Variants in TRAT1 observed in about 807,000 individuals in gnomAD.
TRAT1 encodes T cell receptor associated transmembrane adaptor 1, also known as T-cell receptor-associated transmembrane adapter 1.
In TRAT1, 20 loss-of-function variants were observed where a neutral mutation model predicts 20.0. The ratio of observed to expected loss-of-function variants is 1.00; its 90% CI spans 0.70 to 1.45. TRAT1 has a LOEUF of 1.45. Ranked by LOEUF, TRAT1 falls within the 40% of genes most tolerant of loss-of-function variation. The pLI, the probability that TRAT1 is intolerant of heterozygous loss-of-function variation, is 0.00. For missense variants in TRAT1, 237 were observed against 224.1 expected, an observed-to-expected ratio of 1.06 and a Z score of -0.37; for synonymous variants, 77 against 74.2, an observed-to-expected ratio of 1.04 and a Z score of -0.20.
At chr3:108,828,680 G>C (rs1945764933) in intron 1 of TRAT1, among the ~76,000 whole-genome samples, 2 of 152,128 alleles carry the variant, frequency 1.3e-5, no homozygotes. Flanking sequence ...CTTAAAACAT[G>C]TTTTATTTTG....
intron 3 of TRAT1, chr3:108,839,185 T>C: frequency 1.9e-6 from 1 of 531,018 alleles, no homozygotes; most frequent in Non-Finnish European, 3.3e-6. Flanking sequence ...GAAAGCTGGT[T>C]GAAGGATAAA....
chr3:108,837,243 T>C (rs1408193453), intron 2 of TRAT1, among the ~76,000 whole-genome samples: 2 of 152,212 alleles, frequency 1.3e-5, no homozygotes, highest in Non-Finnish European at 2.9e-5. Flanking sequence ...TGGTAGAACA[T>C]TTCCTCTGGA....
intron 1 of TRAT1, among the ~76,000 whole-genome samples, chr3:108,827,996 A>AT (rs1397225198): frequency 6.6e-6 from 1 of 152,166 alleles, no homozygotes; most frequent in African/African-American, 2.4e-5. Flanking sequence ...TAACACAACT[A>AT]TTTCAATTCT....
chr3:108,842,757 AC>A (rs890336518), intron 3 of TRAT1, among the ~76,000 whole-genome samples: 1 of 152,120 alleles, frequency 6.6e-6, no homozygotes, highest in African/African-American at 2.4e-5. Flanking sequence ...TTTCCGCCAA[AC>A]TTTGGCGAAA....
intron 1 of TRAT1, among the ~76,000 whole-genome samples, chr3:108,825,769 T>C (rs1389094139): frequency 1.3e-5 from 2 of 152,132 alleles, no homozygotes; most frequent in Non-Finnish European, 2.9e-5. Context: ...ATTCCTGAAT[T>C]AAAGGGAAGA....
chr3:108,851,540 C>A (rs558159039), intron 5 of TRAT1, among the ~76,000 whole-genome samples: 74 of 151,834 alleles, frequency 4.9e-4, no homozygotes, highest in Admixed American at 1.8e-3. Flanking sequence ...GGATCTTGTA[C>A]TTTCAATTGT....
chr3:108,839,256 T>C (rs1945869720), intron 3 of TRAT1: 1 of 394,140 alleles, frequency 2.5e-6, no homozygotes, highest in East Asian at 5.7e-5. Context: ...ATAGCCTAGA[T>C]TATGATCCAG....
intron 2 of TRAT1, among the ~76,000 whole-genome samples, chr3:108,835,921 ATTTATTTATT>A (rs1459322830): frequency 7.1e-5 from 2 of 28,338 alleles, no homozygotes; most frequent in African/African-American, 1.5e-4. Flanking sequence ...TTATTTATTT[ATTTATTTATT>A]TATTTTTTGA....
Position 108,853,605 on chromosome 3 carries a change from A to G in TRAT1, c.304-15A>G, listed in dbSNP as rs371317847. ...AACAGACTAACAATGAAAAATTAAC[A>G]TCCCTTTCTTTTAGGCAACCAATGA... On this transcript the variant is annotated splice_polypyrimidine_tract_variant and intron_variant, in intron 5 of 5. Coordinates refer to ENST00000295756, the MANE Select transcript of TRAT1 (RefSeq NM_016388.4). 6.2e-7 allele frequency: 1 copy of G among 1,607,824 alleles called. No individual in the cohort carries two copies. The highest frequency in any genetic ancestry group is 8.5e-7 in the Non-Finnish European group (1 of 1,176,436).
At chr3:108,823,615 G>A (rs993073915) in intron 1 of TRAT1, among the ~76,000 whole-genome samples, 1 of 151,980 alleles carries the variant, frequency 6.6e-6, no homozygotes, top group African/African-American at 2.4e-5. Context: ...AAATTCATAC[G>A]TATTTTCCAT....
rs546516162 is a variant in TRAT1 at position 108,839,254 on chromosome 3, G to T, written c.152+287G>T. ...ATTAATTTCAGAGGTAGATAGCCTA[G>T]ATTATGATCCAGCTTAGATACAGAA... is the stretch of plus-strand genomic sequence containing the variant. On this transcript the variant is annotated intron_variant, in intron 3 of 5. Transcript: ENST00000295756. The T allele has an allele frequency of 1.1e-4, 44 of 396,406 alleles. 1 individual carries two copies. In the South Asian group the frequency reaches 1.5e-3, roughly 14 times the overall value. The allele number at this position is 396,406 out of a possible 1,614,324, so 24.6% of individuals were successfully genotyped here. A position where few individuals can be genotyped will look rare whatever the true frequency, so the allele number is the denominator to read the frequency against.
intron 5 of TRAT1, among the ~76,000 whole-genome samples, chr3:108,851,752 G>A (rs1223825123): frequency 6.6e-6 from 1 of 151,874 alleles, no homozygotes; most frequent in Non-Finnish European, 1.5e-5. Flanking sequence ...CTGGCTATGT[G>A]TTTTCCACCC....
chr3:108,852,575 A>G (rs548108920), intron 5 of TRAT1, among the ~76,000 whole-genome samples: 61 of 152,366 alleles, frequency 4.0e-4, no homozygotes, highest in African/African-American at 1.4e-3. Context: ...CTGTTCCTGC[A>G]AATCAATACA....
At chr3:108,840,710 G>A (rs150010837) in intron 3 of TRAT1, among the ~76,000 whole-genome samples, 20 of 152,190 alleles carry the variant, frequency 1.3e-4, no homozygotes, top group Non-Finnish European at 1.8e-4. Flanking sequence ...GAGTCTGAGC[G>A]CTTCAGCCCA....
intron 3 of TRAT1, among the ~76,000 whole-genome samples, chr3:108,839,601 G>T (rs1003538864): frequency 6.0e-5 from 9 of 150,602 alleles, no homozygotes; most frequent in Non-Finnish European, 1.5e-5. Context: ...AGCCAAGATG[G>T]CACCACTGCA....
At position 108,849,150 on chromosome 3, in the gene TRAT1, C is replaced by G; in HGVS notation, c.215-16C>G. ...TAAATTTTCTATTGTGAATCACAATCTTTTTAATTCCCAAGAACCAATGGA... is the reference window on the plus strand; with the variant it reads ...TAAATTTTCTATTGTGAATCACAATGTTTTTAATTCCCAAGAACCAATGGA... On this transcript the variant is annotated splice_polypyrimidine_tract_variant and intron_variant, in intron 4 of 5. Transcript: ENST00000295756. 1 of 1,600,732 alleles carries G rather than the reference C, an allele frequency of 6.2e-7. No individual in the cohort carries two copies. Among genetic ancestry groups the G allele is most frequent in the Non-Finnish European group, 8.5e-7 (1 of 1,170,806 alleles).
At chr3:108,832,321 A>G (rs1044292535) in intron 2 of TRAT1, among the ~76,000 whole-genome samples, 1 of 152,202 alleles carries the variant, frequency 6.6e-6, no homozygotes, top group South Asian at 2.1e-4. Flanking sequence ...TATTATATCA[A>G]TTCTATGGCT....
At chr3:108,849,032 C>T (rs1945972150) in intron 4 of TRAT1, 134 bp from the exon 5 acceptor site, 2 of 738,700 alleles carry the variant, frequency 2.7e-6, no homozygotes, top group Non-Finnish European at 4.5e-6. Context: ...CTTTCTATCT[C>T]CACCAAAAAG....
intron 2 of TRAT1, among the ~76,000 whole-genome samples, chr3:108,835,891 GTTTGTATTTATT>G (rs1174944273): frequency 2.7e-5 from 4 of 146,622 alleles, no homozygotes; most frequent in African/African-American, 1.0e-4. Flanking sequence ...TTAGTTGTTT[GTTTGTATTTATT>G]TATTTATTTA....
Sources: gnomAD v4.1 joint callset for allele counts (sites outside exome capture counted in the v4.1 genomes callset) on GRCh38, gnomAD v4.1.1 for gene constraint, MANE v1.5 for transcripts, NCBI Gene and HGNC (gene_info 2026-07-23, HGNC 2026-07-21) for gene names.